Variants in CAMTA1 observed in about 807,000 individuals in gnomAD.
CAMTA1 encodes the protein calmodulin binding transcription activator 1, also known as calmodulin-binding transcription activator 1.
A neutral mutation model predicts 170.9 loss-of-function variants in CAMTA1; 27 were observed. The observed-to-expected ratio is 0.16, with a 90% CI of 0.12 to 0.22. The LOEUF (loss-of-function observed/expected upper bound fraction) is 0.22, where lower values mean the gene tolerates loss of function less well. Ranked by LOEUF, CAMTA1 falls within the 10% of genes least tolerant of loss-of-function variation. The pLI is 1.00. For synonymous variants in CAMTA1, 833 were observed against 891.5 expected, an observed-to-expected ratio of 0.93 and a Z score of 1.17; for missense variants, 1,619 against 2,217.2, an observed-to-expected ratio of 0.73 and a Z score of 5.42.
intron 1 of CAMTA1, among the ~76,000 whole-genome samples, chr1:6,793,245 G>A (rs190943582): frequency 1.3e-5 from 2 of 152,162 alleles, no homozygotes; most frequent in South Asian, 2.1e-4. Flanking sequence ...TTCTCAGTGG[G>A]GCTGATGTGT....
intron 3 of CAMTA1, among the ~76,000 whole-genome samples, chr1:7,004,255 T>C (rs974332812): frequency 3.9e-5 from 6 of 152,234 alleles, no homozygotes; most frequent in South Asian, 2.1e-4. Flanking sequence ...TTCTTTTTTT[T>C]CCCTCAAAAA....
At chr1:7,437,813 C>T (rs1206734201) in intron 5 of CAMTA1, among the ~76,000 whole-genome samples, 2 of 152,198 alleles carry the variant, frequency 1.3e-5, no homozygotes, top group African/African-American at 4.8e-5. Context: ...ACTCATTCAG[C>T]GAGTACGACC....
intron 16 of CAMTA1, among the ~76,000 whole-genome samples, chr1:7,739,821 C>G (rs981497251): frequency 2.0e-5 from 3 of 152,174 alleles, no homozygotes; most frequent in African/African-American, 7.2e-5. Context: ...TGGGTAGGGA[C>G]ACAGCCAAAC....
chr1:7,349,375 C>T (rs4908623), intron 5 of CAMTA1, among the ~76,000 whole-genome samples: 37,603 of 151,988 alleles, frequency 0.25, 5,346 homozygotes, highest in East Asian at 0.56. Context: ...TTTCTGGGGG[C>T]CTAAAGGGGA....
chr1:6,900,676 C>G (rs1676742837), intron 3 of CAMTA1, among the ~76,000 whole-genome samples: 1 of 152,042 alleles, frequency 6.6e-6, no homozygotes, highest in South Asian at 2.1e-4. Context: ...AATATCAGTA[C>G]CATTTACAGT....
chr1:7,605,067 G>A (rs1030116970), intron 6 of CAMTA1, among the ~76,000 whole-genome samples: 7 of 152,084 alleles, frequency 4.6e-5, no homozygotes, highest in South Asian at 2.1e-4. Flanking sequence ...GTACCCGGCC[G>A]GCTGTGTGAG....
chr1:7,718,554 CTTT>C (rs34752156), intron 11 of CAMTA1, among the ~76,000 whole-genome samples: 4 of 123,532 alleles, frequency 3.2e-5, no homozygotes, highest in Admixed American at 8.4e-5. Context: ...CATTACAGCA[CTTT>C]TTTTTTTTTT....
intron 5 of CAMTA1, among the ~76,000 whole-genome samples, chr1:7,450,432 G>A (rs779890812): frequency 1.1e-4 from 16 of 152,222 alleles, no homozygotes; most frequent in Non-Finnish European, 2.1e-4. Context: ...AAGGAAAGCA[G>A]GCGCCCTGCC....
intron 5 of CAMTA1, among the ~76,000 whole-genome samples, chr1:7,356,794 A>G (rs762480717): frequency 3.9e-5 from 6 of 152,174 alleles, no homozygotes; most frequent in Non-Finnish European, 8.8e-5. Flanking sequence ...TCTTCCATCT[A>G]CTGACCAACC....
At chr1:7,478,234 C>G (rs1314756372) in intron 6 of CAMTA1, among the ~76,000 whole-genome samples, 1 of 151,822 alleles carries the variant, frequency 6.6e-6, no homozygotes, top group South Asian at 2.1e-4. Flanking sequence ...TCCTATCCAA[C>G]CCAGTTTGCA....
chr1:6,940,424 C>G (rs1481158636), intron 3 of CAMTA1, among the ~76,000 whole-genome samples: 1 of 75,160 alleles, frequency 1.3e-5, no homozygotes, highest in Non-Finnish European at 3.8e-5. Flanking sequence ...TTGGATGATG[C>G]CCCCCACACT....
intron 11 of CAMTA1, among the ~76,000 whole-genome samples, chr1:7,708,313 AGAGT>A (rs1234143865): frequency 6.6e-6 from 1 of 152,144 alleles, no homozygotes; most frequent in African/African-American, 2.4e-5. Context: ...CCTGAGCAAC[AGAGT>A]GAGACCCCAT....
At chr1:7,351,125 C>T (rs149819474) in intron 5 of CAMTA1, among the ~76,000 whole-genome samples, 6 of 152,330 alleles carry the variant, frequency 3.9e-5, no homozygotes, top group African/African-American at 4.8e-5. Flanking sequence ...GACTAGGCAG[C>T]GTGACCCCCA....
At chr1:7,024,167 T>C (rs1192812895) in intron 3 of CAMTA1, among the ~76,000 whole-genome samples, 1 of 152,042 alleles carries the variant, frequency 6.6e-6, no homozygotes, top group Non-Finnish European at 1.5e-5. Context: ...ACATATCTAA[T>C]GGGCATCTCA....
chr1:7,206,664 A>T (rs1423591649), intron 4 of CAMTA1, among the ~76,000 whole-genome samples: 1 of 152,152 alleles, frequency 6.6e-6, no homozygotes, highest in Admixed American at 6.5e-5. Flanking sequence ...GGACATTTAG[A>T]TTGTTTCCCA....
At chr1:7,038,598 CA>C (rs1703978717) in intron 3 of CAMTA1, among the ~76,000 whole-genome samples, 2 of 152,196 alleles carry the variant, frequency 1.3e-5, no homozygotes, top group African/African-American at 4.8e-5. Context: ...TATTTTGATT[CA>C]TTTCAGGAAG....
chr1:7,228,306 A>G (rs1434903587), intron 4 of CAMTA1, among the ~76,000 whole-genome samples: 1 of 152,206 alleles, frequency 6.6e-6, no homozygotes, highest in Non-Finnish European at 1.5e-5. Context: ...CGAGCTCTTC[A>G]AGAACTCCGG....
intron 3 of CAMTA1, among the ~76,000 whole-genome samples, chr1:6,909,408 G>A (rs1049718062): frequency 2.8e-4 from 43 of 152,358 alleles, no homozygotes; most frequent in African/African-American, 9.9e-4. Context: ...CATCACGAGG[G>A]AGGTTGGAAG....
rs114048364 is a variant in CAMTA1, at chr1:7,121,562, G to C, written c.302+30191G>C. Among the ~76,000 whole-genome samples, 655 of 152,318 alleles carry C rather than the reference G, an allele frequency of 4.3e-3. 3 individuals are homozygous for C. The highest frequency in any genetic ancestry group is 0.015 in the African/African-American group (618 of 41,556). ...ACATAACAGGAGAGCTGTGATAACT[G>C]ACCATTACTGCACTTTTCTCAGATA... On this transcript the variant is annotated intron_variant, in intron 4 of 22. Transcript: ENST00000303635.
Sources: allele counts gnomAD v4.1 joint callset (sites outside exome capture counted in the v4.1 genomes callset), GRCh38; gene constraint gnomAD v4.1.1; transcripts MANE v1.5; gene names NCBI Gene and HGNC (gene_info 2026-07-23, HGNC 2026-07-21).